RIMS1: variants seen among roughly 807,000 people sequenced by gnomAD.
RIMS1 encodes regulating synaptic membrane exocytosis 1, also known as regulating synaptic membrane exocytosis protein 1.
In RIMS1, 83 loss-of-function variants were observed where a neutral mutation model predicts 214.1. The ratio of observed to expected loss-of-function variants is 0.39; its 90% CI spans 0.32 to 0.47. The LOEUF is 0.47. Ranked by LOEUF, RIMS1 falls within the 20% of genes least tolerant of loss-of-function variation. RIMS1 has a pLI of 0.99. For missense variants in RIMS1, 2,050 were observed against 2,161.8 expected, an observed-to-expected ratio of 0.95 and a Z score of 1.03; for synonymous variants, 793 against 786.8, an observed-to-expected ratio of 1.01 and a Z score of -0.13.
At chr6:72,119,845 C>T (rs969452707) in intron 4 of RIMS1, among the ~76,000 whole-genome samples, 3 of 151,542 alleles carry the variant, frequency 2.0e-5, no homozygotes, top group Non-Finnish European at 4.4e-5. Flanking sequence ...GATGTTTCCC[C>T]TCCTGTGTCC....
chr6:72,092,308 C>T (rs77965224), intron 2 of RIMS1, among the ~76,000 whole-genome samples: 1 of 134,108 alleles, frequency 7.5e-6, no homozygotes, highest in East Asian at 2.6e-4. Flanking sequence ...TTCCTTCCTT[C>T]CTTCCTTCCT....
intron 24 of RIMS1, among the ~76,000 whole-genome samples, chr6:72,289,663 A>T (rs559054659): frequency 1.3e-5 from 2 of 152,272 alleles, no homozygotes; most frequent in South Asian, 4.2e-4. Flanking sequence ...TTTTACTTAA[A>T]AGAAAAATTG....
At chr6:72,124,243 G>T (rs1338634718) in intron 4 of RIMS1, among the ~76,000 whole-genome samples, 1 of 151,806 alleles carries the variant, frequency 6.6e-6, no homozygotes, top group Admixed American at 6.6e-5. Flanking sequence ...GCTTAGTTTG[G>T]CTGGATATGA....
chr6:72,242,552 A>G, intron 10 of RIMS1, 115 bp downstream of exon 10: 1 of 672,930 alleles, frequency 1.5e-6, no homozygotes, highest in East Asian at 3.3e-5. Flanking sequence ...TTTTTGCATC[A>G]ATTATGGGCA....
intron 1 of RIMS1, among the ~76,000 whole-genome samples, chr6:71,924,648 A>AAAAAAAAAAAAG (rs1781028673): frequency 6.7e-6 from 1 of 149,710 alleles, no homozygotes; most frequent in African/African-American, 2.5e-5. Flanking sequence ...AAAAAAAAAA[A>AAAAAAAAAAAAG]TGCAGAAAAT....
chr6:72,327,636 T>C (rs1424490431), intron 28 of RIMS1, among the ~76,000 whole-genome samples: 1 of 151,800 alleles, frequency 6.6e-6, no homozygotes, highest in Non-Finnish European at 1.5e-5. Context: ...CCATCAGCAA[T>C]GTTGACGGCT....
At chr6:72,193,450 C>T (rs1241419460) in intron 6 of RIMS1, among the ~76,000 whole-genome samples, 1 of 152,192 alleles carries the variant, frequency 6.6e-6, no homozygotes, top group African/African-American at 2.4e-5. Context: ...CAATCTCAGC[C>T]TTTACAAAAT....
chr6:72,221,287 GGTGAGTGTGTGTGTGTGTGTGTGT>G (rs1469614115), intron 6 of RIMS1, among the ~76,000 whole-genome samples: 1 of 141,724 alleles, frequency 7.1e-6, no homozygotes, highest in Non-Finnish European at 1.5e-5. Flanking sequence ...AAAGATCTGG[GGTGAGTGTGTGTGTGTGTGTGTGT>G]GTGTGTGTGT....
chr6:72,060,160 G>T (rs1381371773), intron 2 of RIMS1, among the ~76,000 whole-genome samples: 5 of 151,622 alleles, frequency 3.3e-5, no homozygotes, highest in Non-Finnish European at 5.9e-5. Context: ...GTAGAGACAG[G>T]GTTTCTCCAT....
At chr6:71,920,562 A>G (rs951991338) in intron 1 of RIMS1, among the ~76,000 whole-genome samples, 1 of 152,218 alleles carries the variant, frequency 6.6e-6, no homozygotes, top group African/African-American at 2.4e-5. Flanking sequence ...CTTGGTGCTT[A>G]TGTAGGTAAA....
At chr6:72,384,141 T>C (rs2098545408) in intron 29 of RIMS1, among the ~76,000 whole-genome samples, 1 of 152,192 alleles carries the variant, frequency 6.6e-6, no homozygotes, top group African/African-American at 2.4e-5. Context: ...CTCCAGCCGA[T>C]AATGTTAAGT....
chr6:72,179,998 C>A, intron 5 of RIMS1, 83 bp downstream of exon 5: 1 of 963,708 alleles, frequency 1.0e-6, no homozygotes, highest in Non-Finnish European at 1.5e-6. Context: ...ACTTCTATTA[C>A]GAGGAATATG....
At chr6:72,209,239 T>C (rs1200640735) in intron 6 of RIMS1, among the ~76,000 whole-genome samples, 1 of 152,218 alleles carries the variant, frequency 6.6e-6, no homozygotes, top group African/African-American at 2.4e-5. Flanking sequence ...TTGAATCTTT[T>C]TTAACCTTTT....
intron 2 of RIMS1, among the ~76,000 whole-genome samples, chr6:71,973,781 G>C (rs1174433759): frequency 1.3e-5 from 2 of 152,146 alleles, no homozygotes; most frequent in Non-Finnish European, 2.9e-5. Context: ...TACCTCCAAG[G>C]GCCAATAGGA....
chr6:71,966,482 A>G (rs1171061483), intron 1 of RIMS1, among the ~76,000 whole-genome samples: 3 of 152,190 alleles, frequency 2.0e-5, no homozygotes, highest in Non-Finnish European at 2.9e-5. Context: ...ATTAGACAAG[A>G]ATTTTCTTAC....
chr6:72,274,009 A>G (rs2084811462), intron 22 of RIMS1, among the ~76,000 whole-genome samples: 2 of 152,222 alleles, frequency 1.3e-5, no homozygotes, highest in South Asian at 4.1e-4. Context: ...ATGCATCTTT[A>G]AGAACTTAAA....
intron 2 of RIMS1, among the ~76,000 whole-genome samples, chr6:72,066,727 ACTG>A (rs1373398204): frequency 6.6e-6 from 1 of 152,168 alleles, no homozygotes; most frequent in Non-Finnish European, 1.5e-5. Context: ...CTTGTAAATA[ACTG>A]CTTATTCAAC....
chr6:72,043,283 A>G (rs1033364455), intron 2 of RIMS1, among the ~76,000 whole-genome samples: 2 of 151,908 alleles, frequency 1.3e-5, no homozygotes, highest in Admixed American at 1.3e-4. Context: ...GAAATAGGAA[A>G]GAGAAAAGGT....
Position 72,315,690 on chromosome 6 carries a change from T to TAC in RIMS1, c.4130+2036_4130+2037dup, listed in dbSNP as rs367774407. 7.2e-3 allele frequency among the ~76,000 whole-genome samples: 1,086 copies of TAC among 149,942 alleles called. 13 individuals are homozygous for TAC. Among genetic ancestry groups the TAC allele is most frequent in the African/African-American group, 0.021 (870 of 41,046 alleles). On this transcript the variant is annotated intron_variant, in intron 28 of 33. Transcript: ENST00000521978. ...ATTCTCATAGACACACATGCAGCAG[T>TAC]ACACACACACACACACACAGAGACA...
Sources: allele counts gnomAD v4.1 joint callset (sites outside exome capture counted in the v4.1 genomes callset), GRCh38; gene constraint gnomAD v4.1.1; transcripts MANE v1.5; gene names NCBI Gene and HGNC (gene_info 2026-07-23, HGNC 2026-07-21).